Variants in SLCO3A1 observed in about 807,000 individuals in gnomAD.
SLCO3A1 encodes the protein PGE1 transporter.
SLCO3A1 carries 27 observed loss-of-function variants against 63.1 expected under a neutral mutation model. The observed-to-expected ratio is 0.43, with a 90% CI of 0.32 to 0.59. The LOEUF is 0.59. SLCO3A1 is among the 20% of genes least tolerant of loss of function. The pLI is 0.09. For synonymous variants in SLCO3A1, 473 were observed against 409.9 expected (o/e 1.15, Z -1.86); for missense variants, 773 against 945.8 (o/e 0.82, Z 2.40).
chr15:91,948,564 C>A lies in SLCO3A1; in HGVS notation c.646+32106C>A, dbSNP rs1218349367. On this transcript the variant is annotated intron_variant, in intron 2 of 9. Transcript: ENST00000318445. This position sits in a 1 kb window ranked among gnomAD's most constrained non-coding sequence, Gnocchi z 4.8. ...AGGAGAGGGCCGAATGTGCACGAGA[C>A]TCTGCAGGAAGGCTGAAAAACTTTC... Among the ~76,000 whole-genome samples the A allele has an allele frequency of 6.6e-6, 1 of 152,210 alleles. No individual in the cohort carries two copies. The highest frequency in any genetic ancestry group is 2.4e-5 in the African/African-American group (1 of 41,450).
intron 2 of SLCO3A1, among the ~76,000 whole-genome samples, chr15:92,078,069 A>G (rs1156282504): frequency 9.9e-5 from 15 of 152,186 alleles, no homozygotes; most frequent in Admixed American, 9.8e-4. Context: ...GTATTTAATT[A>G]AGAATGATTT....
intron 2 of SLCO3A1, among the ~76,000 whole-genome samples, chr15:91,961,709 C>T (rs1471240065): frequency 6.6e-6 from 1 of 152,236 alleles, no homozygotes; most frequent in South Asian, 2.1e-4. Context: ...CATCTGCCAC[C>T]TTTACTCTTA....
intron 2 of SLCO3A1, among the ~76,000 whole-genome samples, chr15:92,036,564 C>G (rs1266028997): frequency 1.3e-5 from 2 of 152,070 alleles, no homozygotes; most frequent in African/African-American, 4.8e-5. Flanking sequence ...TGTTTGCCTC[C>G]TTCAAAGCCA....
At chr15:92,157,290 C>G (rs985136504) in intron 9 of SLCO3A1, 2 of 152,052 alleles carry the variant, frequency 1.3e-5, no homozygotes, top group Admixed American at 6.5e-5. Flanking sequence ...CTCTTGCAGG[C>G]TTTGGGGAAG....
chr15:91,976,387 AT>A (rs544197367), intron 2 of SLCO3A1, among the ~76,000 whole-genome samples: 16 of 151,456 alleles, frequency 1.1e-4, no homozygotes, highest in East Asian at 3.9e-4. Flanking sequence ...TAGCTACTTT[AT>A]TTTTTTTAAC....
At chr15:92,112,560 G>A (rs1004164113) in intron 4 of SLCO3A1, among the ~76,000 whole-genome samples, 2 of 152,200 alleles carry the variant, frequency 1.3e-5, no homozygotes, top group African/African-American at 4.8e-5. Context: ...ATGATTCTGT[G>A]TGAACTCCCA....
rs970421099 is a variant in SLCO3A1, at chr15:92,126,192, G to A, written c.1306G>A (p.Val436Ile). ...LVNLVSTACY[V>I]SFLFLGCDTG... ...CAACCTGGTGTCCACTGCTTGCTAC[G>A]TCTCCTTCCTCTTCCTGGGCTGCGA... Residue 436 changes from valine to isoleucine, a missense_variant, in exon 6 of 10, where the codon GTC becomes ATC. By Grantham distance (29) the Val-to-Ile change is conservative. Coordinates refer to ENST00000318445, the MANE Select transcript of SLCO3A1 (RefSeq NM_013272.4). The A allele has an allele frequency of 1.1e-5, 18 of 1,613,884 alleles. No homozygotes were observed. The highest frequency in any genetic ancestry group is 2.7e-5 in the African/African-American group (2 of 74,832).
At chr15:91,877,799 T>C (rs751472854) in intron 1 of SLCO3A1, among the ~76,000 whole-genome samples, 68 of 152,144 alleles carry the variant, frequency 4.5e-4, no homozygotes, top group Non-Finnish European at 7.8e-4. Flanking sequence ...TTTAGGAAGC[T>C]AGTAGCTCAA....
At chr15:92,113,825 A>G (rs1165919717) in intron 4 of SLCO3A1, among the ~76,000 whole-genome samples, 3 of 152,224 alleles carry the variant, frequency 2.0e-5, no homozygotes, top group African/African-American at 4.8e-5. Flanking sequence ...CAGAATCGAC[A>G]GTGTAAATGA....
chr15:91,879,118 C>T (rs968719590), intron 1 of SLCO3A1, among the ~76,000 whole-genome samples: 3 of 152,184 alleles, frequency 2.0e-5, no homozygotes, highest in African/African-American at 4.8e-5. Context: ...ACGCTGAATT[C>T]GGCAGCCACT....
chr15:91,920,647 G>A (rs898493748), intron 2 of SLCO3A1, among the ~76,000 whole-genome samples: 7 of 152,132 alleles, frequency 4.6e-5, no homozygotes, highest in African/African-American at 1.2e-4. Flanking sequence ...CAGTGTGGGC[G>A]CCATACCTTC....
At chr15:91,879,879 G>A (rs966680734) in intron 1 of SLCO3A1, among the ~76,000 whole-genome samples, 7 of 152,124 alleles carry the variant, frequency 4.6e-5, no homozygotes, top group African/African-American at 9.7e-5. Context: ...CATGGTCTCC[G>A]AAGCTCCAGA....
chr15:91,869,317 G>A lies in SLCO3A1; in HGVS notation c.180+15229G>A, dbSNP rs1597073157. On this transcript the variant is annotated intron_variant, in intron 1 of 9. Transcript: ENST00000318445. ...TTGGGAGGCCGAGGTGGGTGGATCA[G>A]TTGATGTCAGGAGTTTGAGAACAGC... 3.3e-5 allele frequency among the ~76,000 whole-genome samples: 5 copies of A among 152,064 alleles called. No homozygotes were observed. In the South Asian group the frequency reaches 1.0e-3, roughly 32 times the overall value.
At chr15:92,088,959 G>A (rs779339560) in intron 2 of SLCO3A1, among the ~76,000 whole-genome samples, 2 of 151,848 alleles carry the variant, frequency 1.3e-5, no homozygotes, top group South Asian at 4.2e-4. Context: ...TCCTGCCATG[G>A]TAGTGGAACC....
Position 91,875,426 on chromosome 15 carries a change from T to C in SLCO3A1, c.180+21338T>C, listed in dbSNP as rs1307051839. Among the ~76,000 whole-genome samples, 1 of 152,226 alleles carries C rather than the reference T, an allele frequency of 6.6e-6. No individual in the cohort carries two copies. Among genetic ancestry groups the C allele is most frequent in the Non-Finnish European group, 1.5e-5 (1 of 68,042 alleles). On this transcript the variant is annotated intron_variant, in intron 1 of 9. Coordinates refer to ENST00000318445, the MANE Select transcript of SLCO3A1 (RefSeq NM_013272.4). This position sits in a 1 kb window ranked among gnomAD's most constrained non-coding sequence, Gnocchi z 4.5. ...TCTCCACAGGGTAAAAACTGGACTC[T>C]GGAGCAAGAGACTGCCTGGATTCCA...
intron 2 of SLCO3A1, among the ~76,000 whole-genome samples, chr15:92,044,783 G>T (rs751889610): frequency 2.6e-5 from 4 of 152,042 alleles, no homozygotes; most frequent in African/African-American, 4.8e-5. Context: ...AGTGCCACCC[G>T]ATCTGTCCAT....
At chr15:92,134,859 T>C (rs939807275) in intron 7 of SLCO3A1, among the ~76,000 whole-genome samples, 1 of 151,850 alleles carries the variant, frequency 6.6e-6, no homozygotes, top group Non-Finnish European at 1.5e-5. Flanking sequence ...TCAGGCCTGC[T>C]GGGGTAGAAA....
intron 7 of SLCO3A1, among the ~76,000 whole-genome samples, chr15:92,144,411 A>G (rs1025080718): frequency 6.6e-6 from 1 of 152,160 alleles, no homozygotes; most frequent in South Asian, 2.1e-4. Context: ...AAAGAGTAAC[A>G]TTTGTTATGC....
At chr15:92,143,121 G>A (rs2048157233) in intron 7 of SLCO3A1, among the ~76,000 whole-genome samples, 1 of 150,490 alleles carries the variant, frequency 6.6e-6, no homozygotes, top group Non-Finnish European at 1.5e-5. Context: ...AGGGATTCCT[G>A]GGGTACTTAG....
Sources: gnomAD v4.1 joint callset for allele counts (sites outside exome capture counted in the v4.1 genomes callset) on GRCh38, gnomAD v4.1.1 for gene constraint, Gnocchi (gnomAD v3.1) non-coding constraint, MANE v1.5 for transcripts, NCBI Gene and HGNC (gene_info 2026-07-23, HGNC 2026-07-21) for gene names.